DPYD: variants seen among roughly 807,000 people sequenced by gnomAD.
The protein encoded by DPYD is dihydropyrimidine dehydrogenase [NADP(+)].
A neutral mutation model predicts 116.2 loss-of-function variants in DPYD; 109 were observed. The observed-to-expected ratio is 0.94, with a 90% CI of 0.80 to 1.10. The LOEUF is 1.10. Ranked by LOEUF, DPYD falls within the 50% of genes least tolerant of loss-of-function variation. The pLI is 0.00. For synonymous variants in DPYD, 440 were observed against 432.0 expected, an observed-to-expected ratio of 1.02 and a Z score of -0.23; for missense variants, 1,302 against 1,254.5, an observed-to-expected ratio of 1.04 and a Z score of -0.57.
intron 19 of DPYD, among the ~76,000 whole-genome samples, chr1:97,215,807 G>C (rs190686123): frequency 3.9e-5 from 6 of 152,216 alleles, no homozygotes; most frequent in Admixed American, 3.9e-4. Flanking sequence ...ATTTTGTGTG[G>C]TATAAGATAC....
intron 10 of DPYD, among the ~76,000 whole-genome samples, chr1:97,576,551 ACTT>A (rs1033378395): frequency 1.3e-5 from 2 of 152,180 alleles, no homozygotes; most frequent in African/African-American, 4.8e-5. Context: ...TAAATCAAAA[ACTT>A]CTATGAATTT....
chr1:97,156,830 T>C lies in DPYD; in HGVS notation c.2622+36239A>G, dbSNP rs550492852. 8.5e-3 allele frequency among the ~76,000 whole-genome samples: 1,297 copies of C among 151,914 alleles called. 15 individuals are homozygous for C. The highest frequency in any genetic ancestry group is 0.029 in the African/African-American group (1,209 of 41,368). On this transcript the variant is annotated intron_variant, in intron 20 of 22. Transcript: ENST00000370192. ...GACACATGCACACGTATGTTTATTGTGGCTCTATTCACAATAGCAAAGACT... is the reference window on the plus strand; with the variant it reads ...GACACATGCACACGTATGTTTATTGCGGCTCTATTCACAATAGCAAAGACT...
chr1:97,896,278 T>C (rs1227856993), intron 1 of DPYD, among the ~76,000 whole-genome samples: 1 of 151,790 alleles, frequency 6.6e-6, no homozygotes, highest in Non-Finnish European at 1.5e-5. Flanking sequence ...GAAAATATTA[T>C]CAGATAAGCT....
At chr1:97,355,694 G>A (rs1373669534) in intron 16 of DPYD, among the ~76,000 whole-genome samples, 2 of 152,004 alleles carry the variant, frequency 1.3e-5, no homozygotes, top group Non-Finnish European at 2.9e-5. Flanking sequence ...GTCTCTCTAG[G>A]CCTGCCTTCC....
intron 20 of DPYD, among the ~76,000 whole-genome samples, chr1:97,157,609 A>C (rs548694612): frequency 3.3e-5 from 5 of 152,260 alleles, no homozygotes; most frequent in African/African-American, 1.2e-4. Flanking sequence ...AATGATTATA[A>C]GGCATCAGCC....
chr1:97,561,820 C>T (rs1652173650), intron 11 of DPYD, among the ~76,000 whole-genome samples: 1 of 152,174 alleles, frequency 6.6e-6, no homozygotes, highest in Non-Finnish European at 1.5e-5. Flanking sequence ...GGCTTTCAAT[C>T]CCTGTCTCTG....
chr1:97,385,260 C>T (rs1672259367), intron 14 of DPYD, among the ~76,000 whole-genome samples: 1 of 115,290 alleles, frequency 8.7e-6, no homozygotes, highest in Admixed American at 1.2e-4. Flanking sequence ...CCTAATACCT[C>T]TTGGTGTAGG....
At chr1:97,547,074 T>C (rs898664929) in intron 12 of DPYD, 9 of 968,018 alleles carry the variant, frequency 9.3e-6, no homozygotes, top group Non-Finnish European at 1.3e-5. Flanking sequence ...GGAGGTGTAG[T>C]TTTTTTACTC....
chr1:97,394,177 A>G (rs900158480), intron 14 of DPYD: 1 of 152,054 alleles, frequency 6.6e-6, no homozygotes, highest in Admixed American at 6.6e-5. Context: ...AGTTCTTTGT[A>G]GATTCTGGAT....
intron 13 of DPYD, among the ~76,000 whole-genome samples, chr1:97,481,053 T>C (rs1678267388): frequency 6.6e-6 from 1 of 152,164 alleles, no homozygotes; most frequent in African/African-American, 2.4e-5. Context: ...TTGTTAAAGA[T>C]TACTATCTTC....
At chr1:97,714,655 C>CAAAAAAAAAAAAAAAAAAAAAAAAA in intron 5 of DPYD, among the ~76,000 whole-genome samples, 3 of 49,926 alleles carry the variant, frequency 6.0e-5, no homozygotes, top group Non-Finnish European at 1.3e-4. Context: ...AAAGAAAAGA[C>CAAAAAAAAAAAAAAAAAAAAAAAAA]AAAAAAAAAA....
chr1:97,082,573 A>T, intron 21 of DPYD, 103 bp from the exon 22 acceptor site: 1 of 1,359,690 alleles, frequency 7.4e-7, no homozygotes, highest in Non-Finnish European at 1.0e-6. Flanking sequence ...ATGTTGCATT[A>T]TATTAACTTG....
chr1:97,330,192 C>T (rs992030202), intron 16 of DPYD, among the ~76,000 whole-genome samples: 2 of 152,054 alleles, frequency 1.3e-5, no homozygotes, highest in African/African-American at 2.4e-5. Context: ...TACTGATTTT[C>T]CTGGCTTTAA....
At chr1:97,376,887 G>GTGTGTGTATATATATATATATATA in intron 15 of DPYD, among the ~76,000 whole-genome samples, 17 of 128,450 alleles carry the variant, frequency 1.3e-4, no homozygotes, top group South Asian at 1.2e-3. Flanking sequence ...GTGTGTGTGT[G>GTGTGTGTATATATATATATATATA]TATATATATA....
intron 1 of DPYD, among the ~76,000 whole-genome samples, chr1:97,907,852 A>T (rs892741690): frequency 6.6e-6 from 1 of 151,950 alleles, no homozygotes; most frequent in Admixed American, 6.6e-5. Flanking sequence ...TTAAAACAGA[A>T]ATTTACTGCC....
At chr1:97,161,711 TC>T (rs1470093875) in intron 20 of DPYD, among the ~76,000 whole-genome samples, 88 of 116,876 alleles carry the variant, frequency 7.5e-4, no homozygotes, top group Non-Finnish European at 1.4e-3. Context: ...CCTAATGCTA[TC>T]CCTCCCCCCT....
chr1:97,425,447 A>T (rs1674809438), intron 14 of DPYD, among the ~76,000 whole-genome samples: 1 of 152,066 alleles, frequency 6.6e-6, no homozygotes, highest in African/African-American at 2.4e-5. Context: ...TTGTTACTAA[A>T]ACTGTAAAAA....
intron 8 of DPYD, among the ~76,000 whole-genome samples, chr1:97,604,453 C>A (rs952116870): frequency 6.6e-6 from 1 of 152,112 alleles, no homozygotes; most frequent in African/African-American, 2.4e-5. Context: ...TAATATTCAT[C>A]GATCAGTGTT....
At chr1:97,138,939 C>T (rs1654001235) in intron 20 of DPYD, among the ~76,000 whole-genome samples, 1 of 152,114 alleles carries the variant, frequency 6.6e-6, no homozygotes, top group Non-Finnish European at 1.5e-5. Flanking sequence ...ATTCCACCCT[C>T]ATAACAAAGG....
Sources: allele counts gnomAD v4.1 joint callset (sites outside exome capture counted in the v4.1 genomes callset), GRCh38; gene constraint gnomAD v4.1.1; transcripts MANE v1.5; gene names NCBI Gene and HGNC (gene_info 2026-07-23, HGNC 2026-07-21).